The following DOCK6 variants were observed in gnomAD, a reference collection of about 807,000 sequenced individuals.
DOCK6 encodes dedicator of cytokinesis 6.
DOCK6 carries 167 observed loss-of-function variants against 230.3 expected under a neutral mutation model. The observed-to-expected ratio is 0.73, with a 90% confidence interval of 0.64 to 0.82. DOCK6 has a LOEUF of 0.82. DOCK6 is among the 40% of genes least tolerant of loss of function. The probability of loss-of-function intolerance (pLI) is 0.00; values close to 1 mark genes in which losing one functional copy is unlikely to be tolerated. For synonymous variants in DOCK6, 1,148 were observed against 1,185.0 expected (o/e 0.97, Z 0.64); for missense variants, 2,598 against 2,825.8 (o/e 0.92, Z 1.83).
In DOCK6 at chr19:11,201,081, CGCTGGG is replaced by C. The variant is rs751958041; in HGVS notation, c.5689-35_5689-30del. 1 of 1,610,874 alleles carries C rather than the reference CGCTGGG, an allele frequency of 6.2e-7. No individual in the cohort carries two copies. On this transcript the variant is annotated intron_variant, in intron 44 of 47. Transcript: ENST00000294618. The surrounding 1 kb of genome is among the most constrained non-coding windows in gnomAD (Gnocchi z 4.3). ...TGGGGTAAGGGGAGGGGTGTGTACT[CGCTGGG>C]GCCTGAGGAGGTCCTGATCGAAGCC...
chr19:11,233,282 C>T lies in DOCK6; in HGVS notation c.2639G>A (p.Ser880Asn). 6.2e-7 allele frequency: 1 copy of T among 1,613,926 alleles called. No homozygotes were observed. The highest frequency in any genetic ancestry group is 8.5e-7 in the Non-Finnish European group (1 of 1,179,870). Reference sequence around the variant, plus strand: ...GAGGTCAGGGTTGCTGCTGCTGATGCTCTTGGAACGCGCCAGGTAGAGGCT... The same window carrying T: ...GAGGTCAGGGTTGCTGCTGCTGATGTTCTTGGAACGCGCCAGGTAGAGGCT... ...PASLYLARSKSISSSNPDLAV... is the reference protein window; with the variant it reads ...PASLYLARSKNISSSNPDLAV... The change falls in exon 22 of 48, where the codon AGC becomes AAC. Residue 880 changes from serine (S) to asparagine (N), a missense_variant. Ser to Asn is a conservative substitution (Grantham distance 46). Transcript: ENST00000294618.
At position 11,243,975 on chromosome 19, in the gene DOCK6, C is replaced by G; in HGVS notation, c.1024-93G>C. The G allele has an allele frequency of 7.5e-7, 1 of 1,340,778 alleles. No homozygotes were observed. Among genetic ancestry groups the G allele is most frequent in the South Asian group, 1.3e-5 (1 of 79,258 alleles). 83.1% of individuals were successfully genotyped at this position (1,340,778 alleles called of 1,614,324 possible). On this transcript the variant is annotated intron_variant, in intron 9 of 47. Transcript: ENST00000294618. The surrounding 1 kb of genome is among the most constrained non-coding windows in gnomAD (Gnocchi z 6.3). ...CAGCCTCCTGGACCCCTCATGGGCCCTCGGACACTCCTAACATATGAAGGC... is the reference window on the plus strand; with the variant it reads ...CAGCCTCCTGGACCCCTCATGGGCCGTCGGACACTCCTAACATATGAAGGC...
Position 11,245,841 on chromosome 19 carries a change from C to T in DOCK6, c.844G>A (p.Ala282Thr). Residue 282 changes from alanine (A) to threonine (T), a missense_variant, in exon 8 of 48, where the codon GCT (alanine) becomes ACT (threonine). Transcript: ENST00000294618. Reference sequence around the variant, plus strand: ...TTTTTCTCCCGCACATCATACAGAGCCAAGATCCCAAAGATGGGCTCAATT... The same window carrying T: ...TTTTTCTCCCGCACATCATACAGAGTCAAGATCCCAAAGATGGGCTCAATT... ...IEIEPIFGIL[A>T]LYDVREKKKI... 1 of 1,570,980 alleles carries T rather than the reference C, an allele frequency of 6.4e-7. No homozygotes were observed. Among genetic ancestry groups the T allele is most frequent in the Middle Eastern group, 1.7e-4 (1 of 6,014 alleles).
At position 11,217,007 on chromosome 19, in the gene DOCK6, C is replaced by T. The variant is rs768143675; in HGVS notation, c.3801G>A (p.Ala1267=). 9.3e-6 allele frequency: 15 copies of T among 1,613,508 alleles called. No individual in the cohort carries two copies. Among genetic ancestry groups the T allele is most frequent in the Admixed American group, 6.7e-5 (4 of 59,990 alleles). The part of the protein sequence containing the change: ...VLWVLKNTEP[A]LLQRWATDLT... ...GGTCAGTGGCCCAGCGCTGCAGGAG[C>T]GCCGGCTCGGTGTTTTTCAGCACCC... Residue 1267 remains alanine, a synonymous_variant, in exon 30 of 48, where the codon GCG becomes GCA. Coordinates refer to ENST00000294618, the MANE Select transcript of DOCK6 (RefSeq NM_020812.4).
intron 37 of DOCK6, 121 bp from the exon 38 acceptor site, chr19:11,209,224 C>T (rs2079320413): frequency 1.7e-6 from 2 of 1,152,170 alleles, no homozygotes; most frequent in Middle Eastern, 5.6e-4. Context: ...CAGCCAATCT[C>T]CTCACCTGTA....
chr19:11,243,995 G>T lies in DOCK6; in HGVS notation c.1024-113C>A, dbSNP rs1456492234. Reference sequence around the variant, plus strand: ...GGGCCCTCGGACACTCCTAACATATGAAGGCCTTTGCTCCAACACCTCCCA... The same window carrying T: ...GGGCCCTCGGACACTCCTAACATATTAAGGCCTTTGCTCCAACACCTCCCA... On this transcript the variant is annotated intron_variant, in intron 9 of 47. Coordinates refer to ENST00000294618, the MANE Select transcript of DOCK6 (RefSeq NM_020812.4). This position sits in a 1 kb window ranked among gnomAD's most constrained non-coding sequence, Gnocchi z 6.3. The T allele has an allele frequency of 1.7e-6, 2 of 1,178,876 alleles. No homozygotes were observed. Among genetic ancestry groups the T allele is most frequent in the African/African-American group, 1.5e-5 (1 of 65,804 alleles). The allele number at this position is 1,178,876 out of a possible 1,614,324, so 73.0% of individuals were successfully genotyped here.
In DOCK6 at chr19:11,212,161, C is replaced by T. The variant is rs1388308900; in HGVS notation, c.4492-10G>A. On this transcript the variant is annotated splice_polypyrimidine_tract_variant and intron_variant, in intron 35 of 47. Coordinates refer to ENST00000294618, the MANE Select transcript of DOCK6 (RefSeq NM_020812.4). ...TCACACGGGCAAAGTTCTGCAGGGA[C>T]AGGGGCGGGAGGGTGGAGCCGGGAG... 1.4e-5 allele frequency: 22 copies of T among 1,604,770 alleles called. No homozygotes were observed. Among genetic ancestry groups the T allele is most frequent in the Non-Finnish European group, 4.2e-6 (5 of 1,178,834 alleles).
At chr19:11,237,217 G>T in intron 18 of DOCK6, 1 of 606,216 alleles carries the variant, frequency 1.6e-6, no homozygotes, top group Non-Finnish European at 2.9e-6. Context: ...AGGGGACAGT[G>T]ATCAGGAAGG....
chr19:11,237,555 C>A lies in DOCK6; in HGVS notation c.1974G>T (p.Trp658Cys). The A allele has an allele frequency of 6.2e-7, 1 of 1,612,172 alleles. No individual in the cohort carries two copies. Among genetic ancestry groups the A allele is most frequent in the Non-Finnish European group, 8.5e-7 (1 of 1,179,544 alleles). The change falls in exon 18 of 48, where the codon TGG (tryptophan) becomes TGT (cysteine). Residue 658 changes from tryptophan to cysteine, a missense_variant and splice_region_variant. Transcript: ENST00000294618. ...GGCGCCCGTGCTGCAGCAGTGGGAT[C>A]CACTGGGGAGAGGCTGGAGGTCAGG... is the stretch of plus-strand genomic sequence containing the variant. Reference protein sequence around the residue: ...TALETPVGFTWIPLLQHGRLR... With the variant: ...TALETPVGFTCIPLLQHGRLR...
intron 22 of DOCK6, among the ~76,000 whole-genome samples, chr19:11,231,188 G>C (rs2079760206): frequency 1.3e-5 from 2 of 152,194 alleles, no homozygotes; most frequent in African/African-American, 4.8e-5. Flanking sequence ...CTAGGGCCAA[G>C]TGTGTAAGGA....
In DOCK6 at chr19:11,214,347, G is replaced by C. The variant is rs1398686383; in HGVS notation, c.4266C>G (p.Tyr1422Ter). ...VLGAVLKVVLYSLGSAQSALF... is the reference protein window; with the variant it reads ...VLGAVLKVVL ...GGGCACTCTGGGCACTGCCCAGGCTGTACAGCACAACCTTCAGCACTGCCC... is the reference window on the plus strand; with the variant it reads ...GGGCACTCTGGGCACTGCCCAGGCTCTACAGCACAACCTTCAGCACTGCCC... Residue 1422 changes from tyrosine to a stop codon, truncating the protein, a stop_gained, in exon 34 of 48, where the codon TAC (tyrosine) becomes TAG (stop). Coordinates refer to ENST00000294618, the MANE Select transcript of DOCK6 (RefSeq NM_020812.4). LOFTEE classifies it high-confidence loss of function. The C allele has an allele frequency of 1.9e-6, 3 of 1,613,686 alleles. No individual in the cohort carries two copies. Among genetic ancestry groups the C allele is most frequent in the Non-Finnish European group, 2.5e-6 (3 of 1,179,878 alleles).
chr19:11,243,891 C>A lies in DOCK6; in HGVS notation c.1024-9G>T. On this transcript the variant is annotated splice_polypyrimidine_tract_variant and intron_variant, in intron 9 of 47. Transcript: ENST00000294618. This position sits in a 1 kb window ranked among gnomAD's most constrained non-coding sequence, Gnocchi z 6.3. ...TGAAGCACCTTCTCCAACTGCGGGG[C>A]AGATGAATGAATCCAGTGAGGCGCT... 6.2e-7 allele frequency: 1 copy of A among 1,603,516 alleles called. No homozygotes were observed. The highest frequency in any genetic ancestry group is 8.5e-7 in the Non-Finnish European group (1 of 1,175,218).
chr19:11,257,398 G>A (rs1335206847), intron 1 of DOCK6, among the ~76,000 whole-genome samples: 2 of 150,954 alleles, frequency 1.3e-5, no homozygotes, highest in Admixed American at 6.6e-5. Flanking sequence ...AGGCCAAGGC[G>A]GGAGGATCGC....
In DOCK6 at chr19:11,245,842, C is replaced by G. The variant is rs746495010; in HGVS notation, c.843G>C (p.Leu281Phe). 2 of 1,571,178 alleles carry G rather than the reference C, an allele frequency of 1.3e-6. No individual in the cohort carries two copies. Among genetic ancestry groups the G allele is most frequent in the Non-Finnish European group, 1.7e-6 (2 of 1,157,734 alleles). The change falls in exon 8 of 48, where the codon TTG becomes TTC. Residue 281 changes from leucine to phenylalanine, a missense_variant. Transcript: ENST00000294618. The part of the protein sequence containing the change: ...EIEIEPIFGI[L>F]ALYDVREKKK... Reference sequence around the variant, plus strand: ...TTTTCTCCCGCACATCATACAGAGCCAAGATCCCAAAGATGGGCTCAATTT... The same window carrying G: ...TTTTCTCCCGCACATCATACAGAGCGAAGATCCCAAAGATGGGCTCAATTT...
chr19:11,244,637 T>A (rs1189180741), intron 9 of DOCK6, among the ~76,000 whole-genome samples: 1 of 151,738 alleles, frequency 6.6e-6, no homozygotes, highest in Non-Finnish European at 1.5e-5. Context: ...ATTTTTGTAT[T>A]TTTAGTAGAG....
chr19:11,200,221 T>A lies in DOCK6; in HGVS notation c.6101+87A>T. 1 of 1,367,276 alleles carries A rather than the reference T, an allele frequency of 7.3e-7. No individual in the cohort carries two copies. The highest frequency in any genetic ancestry group is 2.6e-5 in the Admixed American group (1 of 38,544). 84.7% of individuals were successfully genotyped at this position (1,367,276 alleles called of 1,614,324 possible). A position where few individuals can be genotyped will look rare whatever the true frequency, so the allele number is the denominator to read the frequency against. On this transcript the variant is annotated intron_variant, in intron 47 of 47. Coordinates refer to ENST00000294618, the MANE Select transcript of DOCK6 (RefSeq NM_020812.4). The surrounding 1 kb of genome is among the most constrained non-coding windows in gnomAD (Gnocchi z 4.3). ...ACCAGCAAACATGTTGCTGTGTATG[T>A]GTACAACAGCCCCCATCCTGTACCT...
chr19:11,209,175 ATT>A, intron 37 of DOCK6, 72 bp from the exon 38 acceptor site: 1 of 1,524,866 alleles, frequency 6.6e-7, no homozygotes, highest in Non-Finnish European at 8.9e-7. Context: ...CCACTTGTCC[ATT>A]CTCTTCACTG....
intron 1 of DOCK6, 149 bp from the exon 2 acceptor site, chr19:11,253,875 A>G: frequency 1.8e-6 from 1 of 570,846 alleles, no homozygotes; most frequent in Non-Finnish European, 3.0e-6. Context: ...TTAAGGGCCC[A>G]CAGCTCCCCA....
rs2079719638 is a variant in DOCK6 at position 11,228,989 on chromosome 19, G to A, written c.2765C>T (p.Ala922Val). The change falls in exon 23 of 48, where the codon GCC (alanine) becomes GTC (valine). Residue 922 changes from alanine to valine, a missense_variant. By Grantham distance (64) the Ala-to-Val change is moderately conservative. Transcript: ENST00000294618. ...GTGCTGGAGGATGGCCTCGCGTACGGCACTGCTGCTGACCACCCACTGCAG... is the reference window on the plus strand; with the variant it reads ...GTGCTGGAGGATGGCCTCGCGTACGACACTGCTGCTGACCACCCACTGCAG... ...LALQWVVSSS[A>V]VREAILQHAW... is the part of the protein sequence containing the mutation. The A allele has an allele frequency of 1.9e-6, 3 of 1,613,742 alleles. No individual in the cohort carries two copies. The highest frequency in any genetic ancestry group is 2.5e-6 in the Non-Finnish European group (3 of 1,179,838).
Sources: gnomAD v4.1 joint callset for allele counts (sites outside exome capture counted in the v4.1 genomes callset) on GRCh38, gnomAD v4.1.1 for gene constraint, Gnocchi (gnomAD v3.1) non-coding constraint, MANE v1.5 for transcripts, NCBI Gene and HGNC (gene_info 2026-07-23, HGNC 2026-07-21) for gene names.